ASB16: variants seen among roughly 807,000 people sequenced by gnomAD.
ASB16 encodes the protein ankyrin repeat and SOCS box protein 16.
Under a neutral mutation model 39.1 loss-of-function variants are expected in ASB16, and 44 were observed. The ratio of observed to expected loss-of-function variants is 1.13; its 90% confidence interval spans 0.88 to 1.45. The LOEUF (loss-of-function observed/expected upper bound fraction) is 1.45, where lower values mean the gene tolerates loss of function less well. ASB16 is among the 40% of genes most tolerant of loss of function. ASB16 has a pLI of 0.00. For synonymous variants in ASB16, 305 were observed against 286.7 expected (o/e 1.06, Z -0.64); for missense variants, 698 against 634.5 (o/e 1.10, Z -1.07).
At position 44,172,269 on chromosome 17, in the gene ASB16, G is replaced by T. The variant is rs377473273; in HGVS notation, c.525G>T (p.Glu175Asp). The T allele has an allele frequency of 2.8e-5, 45 of 1,613,758 alleles. No homozygotes were observed. The African/African-American group carries it at 4.8e-4, about 17-fold the overall frequency. ...FGAKANVLTE[E>D]GTTPLHLCTI... ...CCAAGGCTAATGTGCTGACTGAGGA[G>T]GGCACGACTCCTTTGCACCTCTGCA... The change falls in exon 2 of 5, where the codon GAG (glutamate) becomes GAT (aspartate). Residue 175 changes from glutamate (E) to aspartate (D), a missense_variant. By Grantham distance (45) the Glu-to-Asp change is conservative (BLOSUM62 2). Transcript: ENST00000293414.
At chr17:44,171,561 T>TAAAA (rs57839628) in intron 1 of ASB16, among the ~76,000 whole-genome samples, 2 of 97,728 alleles carry the variant, frequency 2.0e-5, no homozygotes, top group African/African-American at 1.1e-4. Context: ...AGACCCTGCC[T>TAAAA]AAAAAAAAAA....
chr17:44,173,285 CG>C (rs2054258252), intron 2 of ASB16, among the ~76,000 whole-genome samples: 2 of 146,654 alleles, frequency 1.4e-5, no homozygotes, highest in South Asian at 4.4e-4. Context: ...CCTAGCTACT[CG>C]GGAGGCTGAG....
Position 44,178,387 on chromosome 17 carries a change from G to C in ASB16, c.1359G>C (p.Gln453His). The change falls in exon 5 of 5, where the codon CAG (glutamine) becomes CAC (histidine). Residue 453 changes from glutamine to histidine, a missense_variant. Gln to His is a conservative substitution (Grantham distance 24). Coordinates refer to ENST00000293414, the MANE Select transcript of ASB16 (RefSeq NM_080863.5). ...TGCTGCGTGTGGAGGGGTGCATCCA[G>C]TGAACCCCATGTCAGGCTGTCCCAT... ...YLLLRVEGCI[Q>H] 1 of 1,593,100 alleles carries C rather than the reference G, an allele frequency of 6.3e-7. No homozygotes were observed. The highest frequency in any genetic ancestry group is 1.7e-4 in the Middle Eastern group (1 of 5,762).
Position 44,171,036 on chromosome 17 carries a change from G to A in ASB16, c.247G>A (p.Ala83Thr), listed in dbSNP as rs745476523. The change falls in exon 1 of 5, where the codon GCC (alanine) becomes ACC (threonine). Residue 83 changes from alanine (A) to threonine (T), a missense_variant. By Grantham distance (58) the Ala-to-Thr change is moderately conservative. Transcript: ENST00000293414. ...AGCCCTGTTCCAAGATGAAGAGGCC[G>A]CCAACATGATTGTGGAGACTGTGAG... is the stretch of plus-strand genomic sequence containing the variant. The part of the protein sequence containing the change: ...VQALFQDEEA[A>T]NMIVETVSNQ... 9.3e-6 allele frequency: 15 copies of A among 1,613,942 alleles called. No individual in the cohort carries two copies. In the Admixed American group the frequency reaches 1.2e-4, roughly 13 times the overall value.
chr17:44,177,133 A>T lies in ASB16; in HGVS notation c.965A>T (p.Asp322Val). The change falls in exon 3 of 5, where the codon GAC becomes GTC. Residue 322 changes from aspartate (D) to valine (V), a missense_variant. Coordinates refer to ENST00000293414, the MANE Select transcript of ASB16 (RefSeq NM_080863.5). ...AATGGGGCGGGCCACACGCCCATGG[A>T]CTGTGCGCTGCAGGCCGTCCAGGAC... Reference protein sequence around the residue: ...VPNGAGHTPMDCALQAVQDSP... With the variant: ...VPNGAGHTPMVCALQAVQDSP... 1 of 1,513,930 alleles carries T rather than the reference A, an allele frequency of 6.6e-7. No homozygotes were observed. Among genetic ancestry groups the T allele is most frequent in the Non-Finnish European group, 8.8e-7 (1 of 1,135,212 alleles). 93.8% of individuals were successfully genotyped at this position (1,513,930 alleles called of 1,614,324 possible). A position where few individuals can be genotyped will look rare whatever the true frequency, so the allele number is the denominator to read the frequency against.
rs370302857 is a variant in ASB16 at position 44,172,106 on chromosome 17, G to C, written c.362G>C (p.Arg121Pro). Residue 121 changes from arginine to proline, a missense_variant, in exon 2 of 5, where the codon CGA (arginine) becomes CCA (proline). Physicochemically the swap from Arg to Pro is moderately radical, Grantham distance 103. Coordinates refer to ENST00000293414, the MANE Select transcript of ASB16 (RefSeq NM_080863.5). ...QTAPLAIATA[R>P]GYTDCARHLI... ...GCACCCCTCGCCATCGCTACAGCCC[G>C]AGGCTACACAGACTGTGCTCGACAC... 4 of 1,611,132 alleles carry C rather than the reference G, an allele frequency of 2.5e-6. No homozygotes were observed. The highest frequency in any genetic ancestry group is 2.5e-6 in the Non-Finnish European group (3 of 1,179,840).
Position 44,172,219 on chromosome 17 carries a change from G to A in ASB16, c.475G>A (p.Val159Met). The A allele has an allele frequency of 2.5e-6, 4 of 1,613,790 alleles. No individual in the cohort carries two copies. The highest frequency in any genetic ancestry group is 3.4e-6 in the Non-Finnish European group (4 of 1,180,054). ...CTGTGCCCGAGCCCAGTTTGACTGT[G>A]TGCGGCTGCTGCTGACCTTCGGAGC... ...EACARAQFDC[V>M]RLLLTFGAKA... The change falls in exon 2 of 5, where the codon GTG becomes ATG. Residue 159 changes from valine (V) to methionine (M), a missense_variant. Val to Met is a conservative substitution (Grantham distance 21). Coordinates refer to ENST00000293414, the MANE Select transcript of ASB16 (RefSeq NM_080863.5).
chr17:44,177,415 G>A (rs1311465768), intron 3 of ASB16, 185 bp downstream of exon 3: 2 of 1,153,246 alleles, frequency 1.7e-6, no homozygotes, highest in Non-Finnish European at 2.4e-6. Context: ...GGAGGGAAGA[G>A]CCCCAGAGGA....
Position 44,170,942 on chromosome 17 carries a change from G to A in ASB16, c.153G>A (p.Arg51=). Residue 51 remains arginine (R), a synonymous_variant, in exon 1 of 5, where the codon AGG becomes AGA. Transcript: ENST00000293414. ...CPSSPRARLT[R]PHRSCRDPAV... is the part of the protein sequence containing the mutation. ...CAAGTCCCCGGGCCCGACTCACTAG[G>A]CCTCACCGTTCCTGCCGAGACCCAG... The A allele has an allele frequency of 6.2e-7, 1 of 1,613,556 alleles. No homozygotes were observed. Among genetic ancestry groups the A allele is most frequent in the Non-Finnish European group, 8.5e-7 (1 of 1,179,980 alleles).
In ASB16 at chr17:44,177,850, G is replaced by C. The variant is rs183269016; in HGVS notation, c.1176+128G>C. Reference sequence around the variant, plus strand: ...AGAGGATGGGTAGAGTGGCACCCCTGGGTTTCAGGGTACCCCCTCCCCCGG... The same window carrying C: ...AGAGGATGGGTAGAGTGGCACCCCTCGGTTTCAGGGTACCCCCTCCCCCGG... On this transcript the variant is annotated intron_variant, in intron 4 of 4. Transcript: ENST00000293414. 15 of 1,343,844 alleles carry C rather than the reference G, an allele frequency of 1.1e-5. No individual in the cohort carries two copies. In the East Asian group the frequency reaches 3.8e-4, roughly 34 times the overall value. 83.2% of individuals were successfully genotyped at this position (1,343,844 alleles called of 1,614,324 possible).
At chr17:44,173,096 A>G (rs532374090) in intron 2 of ASB16, among the ~76,000 whole-genome samples, 1 of 145,870 alleles carries the variant, frequency 6.9e-6, no homozygotes, top group African/African-American at 2.5e-5. Context: ...AAAAAAAAAA[A>G]AAAAAAAAAA....
In ASB16 at chr17:44,172,070, C is replaced by T. The variant is rs1454694468; in HGVS notation, c.326C>T (p.Thr109Ile). Residue 109 changes from threonine (T) to isoleucine (I), a missense_variant, in exon 2 of 5, where the codon ACC becomes ATC. Transcript: ENST00000293414. ...EQGFWVLTPK[T>I]KQTAPLAIAT... is the part of the protein sequence containing the mutation. ...GGGTTCTGGGTGCTGACCCCCAAGA[C>T]CAAGCAGACGGCACCCCTCGCCATC... is the stretch of plus-strand genomic sequence containing the variant. 3.1e-6 allele frequency: 5 copies of T among 1,612,226 alleles called. No homozygotes were observed. The East Asian group carries it at 6.7e-5, about 22-fold the overall frequency.
In ASB16 at chr17:44,178,192, A is replaced by T. The variant is rs748427615; in HGVS notation, c.1177-13A>T. 1.2e-6 allele frequency: 2 copies of T among 1,611,474 alleles called. No individual in the cohort carries two copies. Among genetic ancestry groups the T allele is most frequent in the Non-Finnish European group, 1.7e-6 (2 of 1,179,830 alleles). On this transcript the variant is annotated splice_polypyrimidine_tract_variant and intron_variant, in intron 4 of 4. Coordinates refer to ENST00000293414, the MANE Select transcript of ASB16 (RefSeq NM_080863.5). ...GGCAAGGGTCATCTGACCTTCTTTC[A>T]CTCCTGGCCTAGGAGCACGAAGCCT...
intron 2 of ASB16, chr17:44,176,432 G>A: frequency 2.1e-6 from 1 of 474,848 alleles, no homozygotes; most frequent in Non-Finnish European, 3.8e-6. Context: ...AGACAGAGTA[G>A]ACTGTGGGAG....
At chr17:44,171,960 G>A (rs961855179) in intron 1 of ASB16, 86 bp from the exon 2 acceptor site, 1 of 1,407,076 alleles carries the variant, frequency 7.1e-7, no homozygotes, top group Non-Finnish European at 9.7e-7. Context: ...GAAGGCCAGT[G>A]TCAGCTGTCA....
In ASB16 at chr17:44,177,674, C is replaced by T; in HGVS notation, c.1128C>T (p.Val376=). 1 of 1,613,922 alleles carries T rather than the reference C, an allele frequency of 6.2e-7. No homozygotes were observed. Among genetic ancestry groups the T allele is most frequent in the African/African-American group, 1.3e-5 (1 of 75,022 alleles). ...LEVLLNAYPC[V]PSCETWVEAV... Reference sequence around the variant, plus strand: ...TCCTGCTTAATGCCTATCCTTGTGTCCCATCCTGTGAGACCTGGGTGGAGG... The same window carrying T: ...TCCTGCTTAATGCCTATCCTTGTGTTCCATCCTGTGAGACCTGGGTGGAGG... The change falls in exon 4 of 5, where the codon GTC becomes GTT. Residue 376 remains valine (V), a synonymous_variant. Coordinates refer to ENST00000293414, the MANE Select transcript of ASB16 (RefSeq NM_080863.5).
intron 4 of ASB16, 75 bp downstream of exon 4, chr17:44,177,797 AG>A (rs1197827096): frequency 5.2e-5 from 81 of 1,558,430 alleles, no homozygotes; most frequent in South Asian, 3.8e-4. Context: ...AGCCTCATGG[AG>A]GGAGCAGCAG....
chr17:44,176,305 T>A lies in ASB16; in HGVS notation c.570-433T>A, dbSNP rs545672453. 18 of 223,756 alleles carry A rather than the reference T, an allele frequency of 8.0e-5. No homozygotes were observed. In the South Asian group the frequency reaches 9.1e-4, roughly 11 times the overall value. The allele number at this position is 223,756 out of a possible 1,614,324, so 13.9% of individuals were successfully genotyped here. ...CTTGGGAGGTCCAGGCTACATGAGCTGTAATCACACCACTGCACTTCAGCC... is the reference window on the plus strand; with the variant it reads ...CTTGGGAGGTCCAGGCTACATGAGCAGTAATCACACCACTGCACTTCAGCC... On this transcript the variant is annotated intron_variant, in intron 2 of 4. Coordinates refer to ENST00000293414, the MANE Select transcript of ASB16 (RefSeq NM_080863.5).
Position 44,170,722 on chromosome 17 carries a change from G to A in ASB16, c.-68G>A. 1 of 1,501,282 alleles carries A rather than the reference G, an allele frequency of 6.7e-7. No individual in the cohort carries two copies. The highest frequency in any genetic ancestry group is 2.1e-5 in the Admixed American group (1 of 46,656). The allele number at this position is 1,501,282 out of a possible 1,614,324, so 93.0% of individuals were successfully genotyped here. On this transcript the variant is annotated 5_prime_UTR_variant, in exon 1 of 5. Coordinates refer to ENST00000293414, the MANE Select transcript of ASB16 (RefSeq NM_080863.5). Reference sequence around the variant, plus strand: ...GGGCAGGGTGGCTCCTCAGAGCAAGGGAGGTAGTCGGGTCGAGGGAACCTG... The same window carrying A: ...GGGCAGGGTGGCTCCTCAGAGCAAGAGAGGTAGTCGGGTCGAGGGAACCTG...
Sources: gnomAD v4.1 joint callset for allele counts (sites outside exome capture counted in the v4.1 genomes callset) on GRCh38, gnomAD v4.1.1 for gene constraint, MANE v1.5 for transcripts, NCBI Gene and HGNC (gene_info 2026-07-23, HGNC 2026-07-21) for gene names.